GABRG3: variants seen among roughly 807,000 people sequenced by gnomAD.
GABRG3 encodes the protein gamma-aminobutyric acid receptor subunit gamma-3.
Under a neutral mutation model 48.8 loss-of-function variants are expected in GABRG3, and 25 were observed. The observed-to-expected ratio is 0.51, with a 90% CI of 0.37 to 0.72. The LOEUF is 0.72. Ranked by LOEUF, GABRG3 falls within the 30% of genes least tolerant of loss-of-function variation. The pLI is 0.00. For missense variants in GABRG3, 394 were observed against 577.9 expected, an observed-to-expected ratio of 0.68 and a Z score of 3.26; for synonymous variants, 227 against 217.6, an observed-to-expected ratio of 1.04 and a Z score of -0.38.
At chr15:27,080,844 C>T (rs1896981184) in intron 3 of GABRG3, among the ~76,000 whole-genome samples, 1 of 152,146 alleles carries the variant, frequency 6.6e-6, no homozygotes, top group Admixed American at 6.5e-5. Context: ...TGCTAGTTAG[C>T]CCTCACCAAG....
At chr15:27,033,232 C>G (rs1896117254) in intron 3 of GABRG3, among the ~76,000 whole-genome samples, 1 of 151,982 alleles carries the variant, frequency 6.6e-6, no homozygotes, top group South Asian at 2.1e-4. Flanking sequence ...CAGCAGAAGA[C>G]AAGTTCTCGG....
At chr15:27,477,219 A>G (rs1243906082) in intron 5 of GABRG3, among the ~76,000 whole-genome samples, 1 of 152,262 alleles carries the variant, frequency 6.6e-6, no homozygotes, top group Non-Finnish European at 1.5e-5. Flanking sequence ...ATAAAATGCA[A>G]TACATCTAGA....
chr15:27,106,593 G>GTGAAA (rs1897453465), intron 3 of GABRG3, among the ~76,000 whole-genome samples: 1 of 151,778 alleles, frequency 6.6e-6, no homozygotes, highest in South Asian at 2.1e-4. Flanking sequence ...AGAAACTAAT[G>GTGAAA]CAAGTGAAAA....
intron 3 of GABRG3, among the ~76,000 whole-genome samples, chr15:27,246,180 T>C (rs1890265866): frequency 6.6e-6 from 1 of 152,176 alleles, no homozygotes; most frequent in Non-Finnish European, 1.5e-5. Flanking sequence ...GAGGCAGATA[T>C]CCAAACCATA....
intron 5 of GABRG3, among the ~76,000 whole-genome samples, chr15:27,405,436 A>G (rs1317130873): frequency 6.6e-6 from 1 of 152,180 alleles, no homozygotes; most frequent in Non-Finnish European, 1.5e-5. Flanking sequence ...AATATGAAGT[A>G]TTTGTTAAGT....
At chr15:27,037,138 C>T (rs1287972538) in intron 3 of GABRG3, among the ~76,000 whole-genome samples, 1 of 152,168 alleles carries the variant, frequency 6.6e-6, no homozygotes, top group Non-Finnish European at 1.5e-5. Context: ...TCCCTCACAG[C>T]CCCCAGAGAG....
At chr15:27,374,784 G>A (rs1015247083) in intron 5 of GABRG3, among the ~76,000 whole-genome samples, 8 of 152,180 alleles carry the variant, frequency 5.3e-5, no homozygotes, top group African/African-American at 1.9e-4. Context: ...CTCCAACTCA[G>A]TTCATTATTG....
intron 3 of GABRG3, among the ~76,000 whole-genome samples, chr15:27,124,207 A>C (rs909286564): frequency 6.6e-6 from 1 of 152,222 alleles, no homozygotes; most frequent in Non-Finnish European, 1.5e-5. Context: ...GGATATTGTA[A>C]AGCCATAGTG....
chr15:27,187,425 T>G (rs559795367), intron 3 of GABRG3, among the ~76,000 whole-genome samples: 1 of 152,314 alleles, frequency 6.6e-6, no homozygotes, highest in African/African-American at 2.4e-5. Flanking sequence ...TAGAATTATT[T>G]ATCTAATTCT....
chr15:27,391,851 A>G (rs577495686), intron 5 of GABRG3, among the ~76,000 whole-genome samples: 65 of 152,336 alleles, frequency 4.3e-4, no homozygotes, highest in Non-Finnish European at 8.2e-4. Flanking sequence ...TTCGCTAACC[A>G]TATAGCTCAA....
At chr15:26,996,123 A>G (rs1439395832) in intron 2 of GABRG3, among the ~76,000 whole-genome samples, 2 of 152,242 alleles carry the variant, frequency 1.3e-5, no homozygotes, top group East Asian at 3.9e-4. Context: ...TTTTTATGCA[A>G]TTGCCTTTTA....
intron 3 of GABRG3, among the ~76,000 whole-genome samples, chr15:27,204,196 C>G (rs1219824386): frequency 6.6e-6 from 1 of 152,024 alleles, no homozygotes; most frequent in Admixed American, 6.6e-5. Context: ...ACATTTAAGT[C>G]TTTAATCCAT....
At chr15:27,339,248 G>T (rs2140527061) in intron 5 of GABRG3, among the ~76,000 whole-genome samples, 1 of 152,358 alleles carries the variant, frequency 6.6e-6, no homozygotes, top group Middle Eastern at 3.4e-3. Context: ...GAGCCTACCA[G>T]ACATGTAGAC....
intron 3 of GABRG3, chr15:27,158,054 A>T (rs922049223): frequency 6.6e-6 from 1 of 152,210 alleles, no homozygotes; most frequent in African/African-American, 2.4e-5. Context: ...AGTGAACCAG[A>T]CTATGAGCTG....
chr15:26,987,382 G>C (rs141146721), intron 2 of GABRG3, among the ~76,000 whole-genome samples: 1 of 152,168 alleles, frequency 6.6e-6, no homozygotes, highest in East Asian at 1.9e-4. Flanking sequence ...CAGTTCAGCT[G>C]TCTGCATTTC....
intron 3 of GABRG3, among the ~76,000 whole-genome samples, chr15:27,292,594 A>G (rs1422629774): frequency 1.3e-5 from 2 of 152,206 alleles, no homozygotes; most frequent in African/African-American, 2.4e-5. Flanking sequence ...GAATTGTACC[A>G]TAATTTTTTT....
intron 2 of GABRG3, among the ~76,000 whole-genome samples, chr15:26,985,706 G>A (rs763459243): frequency 2.6e-5 from 4 of 152,056 alleles, no homozygotes; most frequent in Non-Finnish European, 4.4e-5. Context: ...GCCATGCCCC[G>A]CCACAGGTTT....
chr15:27,188,588 T>A (rs1287762123), intron 3 of GABRG3, among the ~76,000 whole-genome samples: 14 of 151,144 alleles, frequency 9.3e-5, no homozygotes, highest in Non-Finnish European at 2.1e-4. Context: ...GTTTTTTTCT[T>A]GTAAATTTGT....
At chr15:27,055,904 A>G (rs899720266) in intron 3 of GABRG3, among the ~76,000 whole-genome samples, 2 of 152,220 alleles carry the variant, frequency 1.3e-5, no homozygotes, top group African/African-American at 2.4e-5. Flanking sequence ...AAAGAGTTTT[A>G]TATTATTTTA....
Sources: gnomAD v4.1 joint callset for allele counts (sites outside exome capture counted in the v4.1 genomes callset) on GRCh38, gnomAD v4.1.1 for gene constraint, MANE v1.5 for transcripts, NCBI Gene and HGNC (gene_info 2026-07-23, HGNC 2026-07-21) for gene names.